The following KLF12 variants were observed in gnomAD, a reference collection of about 807,000 sequenced individuals.
The protein encoded by KLF12 is KLF transcription factor 12, also known as Krueppel-like factor 12.
Under a neutral mutation model 37.8 loss-of-function variants are expected in KLF12, and 9 were observed. The observed-to-expected ratio is 0.24, with a 90% confidence interval of 0.14 to 0.42. The LOEUF is 0.42. Among genes scored for constraint, KLF12 ranks in the 10% least tolerant of loss-of-function variants. The pLI is 1.00. For synonymous variants in KLF12, 208 were observed against 202.1 expected (o/e 1.03, Z -0.25); for missense variants, 411 against 516.0 (o/e 0.80, Z 1.97).
the KLF12 span, among the ~76,000 whole-genome samples, chr13:74,161,348 G>A: frequency 0.044 from 6,756 of 152,094 alleles, 162 homozygotes; most frequent in Middle Eastern, 0.1. Context: ...AAATAATCCT[G>A]AATTTAGGGT....
chr13:74,027,114 G>A (rs998577588), intron 1 of KLF12, among the ~76,000 whole-genome samples: 1 of 152,088 alleles, frequency 6.6e-6, no homozygotes, highest in Non-Finnish European at 1.5e-5. Flanking sequence ...AAGAACAATG[G>A]GAAAGAGATG....
At chr13:74,146,790 A>C in the KLF12 span, among the ~76,000 whole-genome samples, 1 of 152,206 alleles carries the variant, frequency 6.6e-6, no homozygotes, top group South Asian at 2.1e-4. Context: ...GGTAGGTGAA[A>C]TCGTTTCCAT....
chr13:74,010,079 A>G (rs1248235137), intron 1 of KLF12, among the ~76,000 whole-genome samples: 2 of 151,784 alleles, frequency 1.3e-5, no homozygotes, highest in Non-Finnish European at 2.9e-5. Context: ...CCTCCCAAGT[A>G]GCTAGGACTA....
intron 1 of KLF12, among the ~76,000 whole-genome samples, chr13:74,029,387 C>T (rs1045122038): frequency 1.3e-5 from 2 of 151,942 alleles, no homozygotes; most frequent in African/African-American, 4.8e-5. Flanking sequence ...TAGTTTTCAA[C>T]GTTTCCCATT....
At chr13:73,766,511 G>A (rs1002815842) in intron 5 of KLF12, among the ~76,000 whole-genome samples, 4 of 151,970 alleles carry the variant, frequency 2.6e-5, no homozygotes, top group African/African-American at 9.7e-5. Context: ...TCCTTAAAAT[G>A]GATATTTGAG....
chr13:74,127,573 G>C (rs1250657134), intron 1 of KLF12, among the ~76,000 whole-genome samples: 11 of 152,220 alleles, frequency 7.2e-5, no homozygotes, highest in African/African-American at 2.7e-4. Flanking sequence ...AACATGGAAA[G>C]AGTCTAAATC....
chr13:73,968,415 T>C (rs927910113), intron 2 of KLF12, among the ~76,000 whole-genome samples: 1 of 152,212 alleles, frequency 6.6e-6, no homozygotes, highest in African/African-American at 2.4e-5. Flanking sequence ...ATAATTATGA[T>C]TCTATGCATG....
chr13:73,929,316 A>G (rs987965482), intron 3 of KLF12, among the ~76,000 whole-genome samples: 1 of 152,198 alleles, frequency 6.6e-6, no homozygotes, highest in African/African-American at 2.4e-5. Context: ...TACATATATT[A>G]ACTTCTTTAC....
At chr13:73,830,944 A>C (rs1489250227) in intron 4 of KLF12, among the ~76,000 whole-genome samples, 1 of 151,722 alleles carries the variant, frequency 6.6e-6, no homozygotes, top group Non-Finnish European at 1.5e-5. Context: ...ATGATACAGT[A>C]CTATAATATC....
chr13:74,062,308 T>C (rs1269609366), intron 1 of KLF12, among the ~76,000 whole-genome samples: 2 of 152,222 alleles, frequency 1.3e-5, no homozygotes, highest in African/African-American at 2.4e-5. Context: ...ATTTTCTCTA[T>C]ATTTGTCTCT....
chr13:73,992,088 A>G (rs1437404477), intron 2 of KLF12, among the ~76,000 whole-genome samples: 1 of 152,228 alleles, frequency 6.6e-6, no homozygotes, highest in African/African-American at 2.4e-5. Context: ...AACTCTGATA[A>G]GCTGGACTAA....
At chr13:73,961,407 G>A (rs1254029348) in intron 2 of KLF12, among the ~76,000 whole-genome samples, 1 of 152,144 alleles carries the variant, frequency 6.6e-6, no homozygotes, top group Non-Finnish European at 1.5e-5. Context: ...TCTCAGATCT[G>A]TTAGAGAAGT....
chr13:74,145,772 A>T, the KLF12 span, among the ~76,000 whole-genome samples: 1 of 152,198 alleles, frequency 6.6e-6, no homozygotes, highest in Non-Finnish European at 1.5e-5. Context: ...TAGGTTTGGC[A>T]ATAAAACCTA....
chr13:73,925,213 AG>A (rs1261108679), intron 3 of KLF12, among the ~76,000 whole-genome samples: 1 of 152,252 alleles, frequency 6.6e-6, no homozygotes, highest in Non-Finnish European at 1.5e-5. Context: ...TATTGGAAAA[AG>A]ATGGCATCTA....
At chr13:74,010,733 C>T (rs1892530684) in intron 1 of KLF12, among the ~76,000 whole-genome samples, 1 of 151,916 alleles carries the variant, frequency 6.6e-6, no homozygotes. Context: ...GCTGCATGAA[C>T]CTCTCTGGGT....
At chr13:73,898,866 C>G (rs191727329) in intron 3 of KLF12, among the ~76,000 whole-genome samples, 15 of 152,328 alleles carry the variant, frequency 9.8e-5, no homozygotes, top group Admixed American at 8.5e-4. Context: ...GGTGAGGACA[C>G]AGCCCACACT....
intron 1 of KLF12, among the ~76,000 whole-genome samples, chr13:74,085,679 C>A (rs1875239512): frequency 6.6e-6 from 1 of 152,192 alleles, no homozygotes; most frequent in African/African-American, 2.4e-5. Context: ...GGGTTTCTAA[C>A]TTTAAAGCTC....
chr13:73,808,108 T>C (rs1882742215), intron 5 of KLF12, among the ~76,000 whole-genome samples: 1 of 152,158 alleles, frequency 6.6e-6, no homozygotes, highest in Non-Finnish European at 1.5e-5. Context: ...TGCCTTTACC[T>C]CTCTTTCTCC....
the KLF12 span, among the ~76,000 whole-genome samples, chr13:74,277,308 T>C: frequency 9.2e-4 from 140 of 152,328 alleles, 1 homozygote; most frequent in Non-Finnish European, 1.6e-3. Context: ...CCTGGTGGAA[T>C]GCACATGGCC....
Sources: gnomAD v4.1 joint callset for allele counts (sites outside exome capture counted in the v4.1 genomes callset) on GRCh38, gnomAD v4.1.1 for gene constraint, MANE v1.5 for transcripts, NCBI Gene and HGNC (gene_info 2026-07-23, HGNC 2026-07-21) for gene names.